SMCO4: variants seen among roughly 807,000 people sequenced by gnomAD.
SMCO4 encodes single-pass membrane protein with coiled-coil domains 4.
Under a neutral mutation model 3.6 loss-of-function variants are expected in SMCO4, and 4 were observed. That is an observed-to-expected ratio of 1.11 (90% CI 0.54 to 2.53). SMCO4 has a LOEUF of 2.53. SMCO4 is among the 30% of genes most tolerant of loss of function. SMCO4 has a pLI of 0.02. For missense variants in SMCO4, 70 were observed against 80.8 expected (o/e 0.87, Z 0.51); for synonymous variants, 36 against 35.3 (o/e 1.02, Z -0.07).
chr11:93,524,276 C>T (rs537707663), intron 1 of SMCO4, among the ~76,000 whole-genome samples: 1 of 152,216 alleles, frequency 6.6e-6, no homozygotes, highest in African/African-American at 2.4e-5. Context: ...AGGAAACGGC[C>T]GGGAGGGAAC....
chr11:93,532,910 T>C (rs903629619), intron 1 of SMCO4, among the ~76,000 whole-genome samples: 15 of 152,170 alleles, frequency 9.9e-5, no homozygotes, highest in African/African-American at 1.7e-4. Context: ...CACTAGAAAA[T>C]AGGCCCCATG....
At chr11:93,504,111 T>C (rs1948875625) in intron 1 of SMCO4, among the ~76,000 whole-genome samples, 1 of 152,252 alleles carries the variant, frequency 6.6e-6, no homozygotes, top group African/African-American at 2.4e-5. Context: ...TTAGTCTGAA[T>C]TATTTTTACA....
chr11:93,498,664 A>T (rs1295684875), intron 2 of SMCO4, among the ~76,000 whole-genome samples: 1 of 152,258 alleles, frequency 6.6e-6, no homozygotes, highest in Non-Finnish European at 1.5e-5. Context: ...CCAATAGCCA[A>T]AGGACACCTG....
intron 1 of SMCO4, among the ~76,000 whole-genome samples, chr11:93,515,491 G>T (rs1037599799): frequency 2.0e-5 from 3 of 152,280 alleles, no homozygotes; most frequent in African/African-American, 7.2e-5. Flanking sequence ...GTTAACGAAG[G>T]TCATGTCTGT....
intron 1 of SMCO4, among the ~76,000 whole-genome samples, chr11:93,499,837 C>G (rs576352004): frequency 1.2e-4 from 19 of 152,134 alleles, no homozygotes; most frequent in Non-Finnish European, 2.6e-4. Context: ...GAAAGTGACC[C>G]AGGCATCCGA....
intron 1 of SMCO4, among the ~76,000 whole-genome samples, chr11:93,541,583 A>G (rs1027218488): frequency 6.6e-6 from 1 of 152,190 alleles, no homozygotes; most frequent in African/African-American, 2.4e-5. Context: ...AAGCTTGAAG[A>G]TTAAACAATA....
the SMCO4 span, among the ~76,000 whole-genome samples, chr11:93,552,831 A>G: frequency 6.8e-6 from 1 of 147,592 alleles, no homozygotes; most frequent in Non-Finnish European, 1.5e-5. Flanking sequence ...GTCCACATCA[A>G]TTTAATTTTT....
At chr11:93,504,431 A>G (rs990163169) in intron 1 of SMCO4, among the ~76,000 whole-genome samples, 6 of 152,222 alleles carry the variant, frequency 3.9e-5, no homozygotes, top group African/African-American at 1.4e-4. Context: ...CTACCCATAC[A>G]AGAGAAGGAA....
intron 1 of SMCO4, among the ~76,000 whole-genome samples, chr11:93,531,628 T>C (rs1460809118): frequency 6.6e-6 from 1 of 152,244 alleles, no homozygotes; most frequent in East Asian, 1.9e-4. Flanking sequence ...CATAGTAATG[T>C]GCAGACAGGT....
At chr11:93,506,476 T>G (rs1348089333) in intron 1 of SMCO4, among the ~76,000 whole-genome samples, 1 of 151,506 alleles carries the variant, frequency 6.6e-6, no homozygotes, top group Non-Finnish European at 1.5e-5. Context: ...TCTCGCTCTG[T>G]CGCCCAGGCT....
the SMCO4 span, among the ~76,000 whole-genome samples, chr11:93,553,626 GATCTTGTTATTCA>G: frequency 6.6e-6 from 1 of 152,188 alleles, no homozygotes; most frequent in African/African-American, 2.4e-5. Flanking sequence ...ACCCAAGCTA[GATCTTGTTATTCA>G]ATGTGTTAAT....
chr11:93,514,419 T>TATATATATAAATAA (rs1555077574), intron 1 of SMCO4, among the ~76,000 whole-genome samples: 1 of 42,534 alleles, frequency 2.4e-5, no homozygotes, highest in African/African-American at 7.3e-5. Context: ...TATATATATA[T>TATATATATAAATAA]ATAAAATTTG....
At chr11:93,536,564 A>C in intron 1 of SMCO4, among the ~76,000 whole-genome samples, 1 of 152,214 alleles carries the variant, frequency 6.6e-6, no homozygotes, top group Non-Finnish European at 1.5e-5. Flanking sequence ...CATGCTTCTA[A>C]AAGAAGGAAA....
intron 1 of SMCO4, among the ~76,000 whole-genome samples, chr11:93,542,486 GT>G (rs1949278973): frequency 6.6e-6 from 1 of 152,160 alleles, no homozygotes; most frequent in Non-Finnish European, 1.5e-5. Context: ...CCGCTCAGCT[GT>G]CCCTCCTCAA....
chr11:93,507,620 G>T (rs1948920018), intron 1 of SMCO4, among the ~76,000 whole-genome samples: 1 of 152,240 alleles, frequency 6.6e-6, no homozygotes, highest in Non-Finnish European at 1.5e-5. Flanking sequence ...TTCAATGGAT[G>T]TGATAGGACA....
intron 1 of SMCO4, among the ~76,000 whole-genome samples, chr11:93,514,421 T>TAAAA (rs1555077581): frequency 3.7e-5 from 2 of 53,412 alleles, no homozygotes; most frequent in African/African-American, 7.2e-5. Context: ...TATATATATA[T>TAAAA]AAAATTTGGT....
In SMCO4 at chr11:93,503,679, C is replaced by T. The variant is rs191460863; in HGVS notation, c.-153-4331G>A. On this transcript the variant is annotated intron_variant, in intron 1 of 2. Transcript: ENST00000298966. ...CACTGTGAAAACTGAGGCAGATATA[C>T]GAATGACAAGACCACGTGCCAAGGA... Among the ~76,000 whole-genome samples, 515 of 152,250 alleles carry T rather than the reference C, an allele frequency of 3.4e-3. 1 individual carries two copies. Among genetic ancestry groups the T allele is most frequent in the African/African-American group, 0.012 (494 of 41,542 alleles).
chr11:93,549,625 T>TTA, the SMCO4 span, among the ~76,000 whole-genome samples: 48 of 89,728 alleles, frequency 5.3e-4, no homozygotes, highest in Admixed American at 1.6e-3. Context: ...ATTTATTTAT[T>TTA]TTTTTTTTTT....
chr11:93,513,509 A>G (rs946961751), intron 1 of SMCO4, among the ~76,000 whole-genome samples: 2 of 152,226 alleles, frequency 1.3e-5, no homozygotes, highest in Non-Finnish European at 2.9e-5. Flanking sequence ...ATAGCAATGG[A>G]AGAGAGGGCA....
Sources: allele counts gnomAD v4.1 joint callset (sites outside exome capture counted in the v4.1 genomes callset), GRCh38; gene constraint gnomAD v4.1.1; transcripts MANE v1.5; gene names NCBI Gene and HGNC (gene_info 2026-07-23, HGNC 2026-07-21).